The following EXOC4 variants were observed in gnomAD, a reference collection of about 807,000 sequenced individuals.
EXOC4 encodes exocyst complex component 4, also known as SEC8-like 1.
Under a neutral mutation model 107.2 loss-of-function variants are expected in EXOC4, and 71 were observed. The observed-to-expected ratio is 0.66, with a 90% CI of 0.55 to 0.81. The LOEUF is 0.81. Ranked by LOEUF, EXOC4 falls within the 30% of genes least tolerant of loss-of-function variation. EXOC4 has a pLI of 0.00. For missense variants in EXOC4, 1,108 were observed against 1,189.6 expected (o/e 0.93, Z 1.01); for synonymous variants, 456 against 441.2 (o/e 1.03, Z -0.42).
At chr7:133,718,093 C>T (rs1334487811) in intron 10 of EXOC4, among the ~76,000 whole-genome samples, 5 of 152,154 alleles carry the variant, frequency 3.3e-5, no homozygotes, top group African/African-American at 7.2e-5. Flanking sequence ...GAGTTCAACA[C>T]TGATTGCCCG....
At chr7:133,372,078 G>T (rs1327923212) in intron 6 of EXOC4, among the ~76,000 whole-genome samples, 1 of 152,068 alleles carries the variant, frequency 6.6e-6, no homozygotes. Flanking sequence ...TTTAAGTTCA[G>T]TTGTCTTTTT....
chr7:133,541,259 GAGAACC>G (rs905079803), intron 9 of EXOC4, among the ~76,000 whole-genome samples: 1 of 152,134 alleles, frequency 6.6e-6, no homozygotes, highest in African/African-American at 2.4e-5. Flanking sequence ...TGCCGTTTCT[GAGAACC>G]TATGCCCAAA....
At chr7:134,078,829 T>C in the EXOC4 span, among the ~76,000 whole-genome samples, 1 of 152,230 alleles carries the variant, frequency 6.6e-6, no homozygotes, top group East Asian at 1.9e-4. Context: ...ATTAAATTAT[T>C]TTCATAGGGG....
intron 10 of EXOC4, among the ~76,000 whole-genome samples, chr7:133,690,407 A>G (rs1048215779): frequency 6.6e-6 from 1 of 152,330 alleles, no homozygotes; most frequent in African/African-American, 2.4e-5. Context: ...ATGTGCCTAC[A>G]GGCCGCATGC....
intron 10 of EXOC4, among the ~76,000 whole-genome samples, chr7:133,803,577 A>G (rs550937495): frequency 4.6e-5 from 7 of 152,326 alleles, no homozygotes; most frequent in Admixed American, 6.5e-5. Context: ...AAATTCTTCT[A>G]CAGAGTCTAG....
At chr7:133,296,231 C>T (rs1794516634) in intron 3 of EXOC4, among the ~76,000 whole-genome samples, 1 of 151,994 alleles carries the variant, frequency 6.6e-6, no homozygotes, top group Non-Finnish European at 1.5e-5. Context: ...GTGAAGGTGG[C>T]CTTAACCTTG....
At chr7:133,530,129 A>G (rs1192989815) in intron 9 of EXOC4, among the ~76,000 whole-genome samples, 2 of 152,202 alleles carry the variant, frequency 1.3e-5, no homozygotes, top group East Asian at 1.9e-4. Context: ...CAGGCTCTCA[A>G]TCACTACGCT....
intron 11 of EXOC4, among the ~76,000 whole-genome samples, chr7:133,877,870 C>T (rs1171748399): frequency 6.6e-6 from 1 of 152,170 alleles, no homozygotes; most frequent in Non-Finnish European, 1.5e-5. Flanking sequence ...TTCCAAAACT[C>T]CAAATTCTGT....
At chr7:133,416,059 T>C (rs561840153) in intron 7 of EXOC4, among the ~76,000 whole-genome samples, 2 of 152,312 alleles carry the variant, frequency 1.3e-5, no homozygotes, top group South Asian at 2.1e-4. Context: ...AACAAAACTT[T>C]ATATTTGGCA....
At chr7:133,945,230 C>T (rs1030104592) in intron 14 of EXOC4, among the ~76,000 whole-genome samples, 4 of 152,172 alleles carry the variant, frequency 2.6e-5, no homozygotes, top group African/African-American at 7.2e-5. Flanking sequence ...TCAGCCTCAT[C>T]GCATTAGAAA....
At chr7:133,419,940 C>T (rs1322468903) in intron 7 of EXOC4, among the ~76,000 whole-genome samples, 1 of 149,966 alleles carries the variant, frequency 6.7e-6, no homozygotes. Context: ...CTGAGAGGCT[C>T]AACTGAGGAA....
intron 14 of EXOC4, among the ~76,000 whole-genome samples, chr7:133,960,051 T>A (rs1237780808): frequency 6.6e-6 from 1 of 151,986 alleles, no homozygotes; most frequent in Non-Finnish European, 1.5e-5. Flanking sequence ...ATCTCCAGAG[T>A]GATCATGACA....
At chr7:133,339,600 A>G (rs1313793179) in intron 5 of EXOC4, among the ~76,000 whole-genome samples, 1 of 152,110 alleles carries the variant, frequency 6.6e-6, no homozygotes, top group Non-Finnish European at 1.5e-5. Context: ...CACTTTTGCC[A>G]TATGGTCATT....
At chr7:134,078,746 G>A in the EXOC4 span, among the ~76,000 whole-genome samples, 10 of 152,210 alleles carry the variant, frequency 6.6e-5, no homozygotes, top group Non-Finnish European at 1.0e-4. Context: ...AGCTTTAAGA[G>A]ACTAATAAAG....
chr7:133,416,683 A>G (rs1294210110), intron 7 of EXOC4, among the ~76,000 whole-genome samples: 1 of 152,188 alleles, frequency 6.6e-6, no homozygotes, highest in Non-Finnish European at 1.5e-5. Context: ...TGTCTCCTCC[A>G]CTATCAGATA....
At chr7:133,519,105 G>A (rs1196184951) in intron 9 of EXOC4, among the ~76,000 whole-genome samples, 1 of 152,112 alleles carries the variant, frequency 6.6e-6, no homozygotes, top group Non-Finnish European at 1.5e-5. Flanking sequence ...TTTCATTTAA[G>A]TTTTAGTAAA....
chr7:133,888,934 C>G (rs1007982048), intron 11 of EXOC4, among the ~76,000 whole-genome samples: 22 of 152,198 alleles, frequency 1.4e-4, no homozygotes, highest in Admixed American at 3.3e-4. Flanking sequence ...AAGTGCTTAT[C>G]ATTGTACTTT....
chr7:133,780,881 CTG>C (rs1442099894), intron 10 of EXOC4, among the ~76,000 whole-genome samples: 2 of 152,308 alleles, frequency 1.3e-5, no homozygotes, highest in Non-Finnish European at 2.9e-5. Context: ...AAATGAAGAA[CTG>C]TGAATTTTTA....
chr7:133,851,622 C>T (rs763601435), intron 11 of EXOC4, among the ~76,000 whole-genome samples: 3 of 152,118 alleles, frequency 2.0e-5, no homozygotes, highest in Admixed American at 6.5e-5. Context: ...TGGTGCATGG[C>T]AGGCTCTATG....
Sources: allele counts gnomAD v4.1 joint callset (sites outside exome capture counted in the v4.1 genomes callset), GRCh38; gene constraint gnomAD v4.1.1; transcripts MANE v1.5; gene names NCBI Gene and HGNC (gene_info 2026-07-23, HGNC 2026-07-21).